The following CYP20A1 variants were observed in gnomAD, a reference collection of about 807,000 sequenced individuals.
CYP20A1 encodes the protein cytochrome P450 20A1.
CYP20A1 carries 61 observed loss-of-function variants against 61.4 expected under a neutral mutation model. That is an observed-to-expected ratio of 0.99 (90% CI 0.81 to 1.23). CYP20A1 has a LOEUF of 1.23. CYP20A1 is among the 50% of genes most tolerant of loss of function. The pLI is 0.00. For missense variants in CYP20A1, 530 were observed against 542.4 expected, an observed-to-expected ratio of 0.98 and a Z score of 0.23; for synonymous variants, 193 against 188.2, an observed-to-expected ratio of 1.03 and a Z score of -0.21.
intron 2 of CYP20A1, 52 bp downstream of exon 2, chr2:203,245,947 A>G: frequency 8.3e-7 from 1 of 1,206,412 alleles, no homozygotes; most frequent in Non-Finnish European, 1.2e-6. Context: ...CATTATTGAT[A>G]TCAAGACTAA....
rs1443050735 is a variant in CYP20A1, at chr2:203,301,099, A to G, written c.*4191A>G. ...TAATCCCAGCTACTGGGGAGGCTGA[A>G]ACAGGAGAATCGCTTGAACCCAGTA... is the stretch of plus-strand genomic sequence containing the variant. On this transcript the variant is annotated 3_prime_UTR_variant, in exon 13 of 13. Coordinates refer to ENST00000356079, the MANE Select transcript of CYP20A1 (RefSeq NM_177538.3). Among the ~76,000 whole-genome samples, 3 of 150,926 alleles carry G rather than the reference A, an allele frequency of 2.0e-5. No homozygotes were observed. Among genetic ancestry groups the G allele is most frequent in the Non-Finnish European group, 3.0e-5 (2 of 67,682 alleles).
intron 6 of CYP20A1, among the ~76,000 whole-genome samples, chr2:203,277,357 A>G (rs572145153): frequency 6.6e-6 from 1 of 151,074 alleles, no homozygotes; most frequent in African/African-American, 2.4e-5. Context: ...CAAAAAAAAA[A>G]AGAAAAAGAA....
intron 11 of CYP20A1, among the ~76,000 whole-genome samples, chr2:203,294,151 AT>A (rs1188149377): frequency 1.3e-5 from 2 of 151,690 alleles, no homozygotes; most frequent in Non-Finnish European, 2.9e-5. Flanking sequence ...TGCCTGGCTA[AT>A]TTTTTTTAAT....
chr2:203,239,698 C>A (rs1397622962), intron 1 of CYP20A1, among the ~76,000 whole-genome samples: 1 of 152,192 alleles, frequency 6.6e-6, no homozygotes, highest in African/African-American at 2.4e-5. Context: ...GAGAGCGCCG[C>A]GCTGCGGGTT....
Position 203,239,046 on chromosome 2 carries a change from C to A in CYP20A1, c.-17C>A, listed in dbSNP as rs190841502. 1.4e-5 allele frequency: 22 copies of A among 1,612,802 alleles called. No homozygotes were observed. Among genetic ancestry groups the A allele is most frequent in the Admixed American group, 5.0e-5 (3 of 59,998 alleles). ...GGAGCGGCCGATCCGAGACGTGGCT[C>A]CCTGGGCGGCAGAACCATGTTGGAC... On this transcript the variant is annotated 5_prime_UTR_variant, in exon 1 of 13. Coordinates refer to ENST00000356079, the MANE Select transcript of CYP20A1 (RefSeq NM_177538.3).
intron 4 of CYP20A1, among the ~76,000 whole-genome samples, chr2:203,253,118 A>C (rs993335306): frequency 2.6e-5 from 4 of 152,118 alleles, no homozygotes; most frequent in Non-Finnish European, 4.4e-5. Flanking sequence ...TTGTCACCCC[A>C]AGCCCCTCTG....
chr2:203,248,340 C>A (rs2066534002), intron 3 of CYP20A1, among the ~76,000 whole-genome samples: 1 of 152,150 alleles, frequency 6.6e-6, no homozygotes, highest in South Asian at 2.1e-4. Context: ...TCGAGACCAG[C>A]CTGGCCAACA....
intron 4 of CYP20A1, among the ~76,000 whole-genome samples, chr2:203,254,097 C>T (rs2105917799): frequency 3.5e-5 from 1 of 28,910 alleles, no homozygotes; most frequent in South Asian, 2.0e-3. Flanking sequence ...CAGGCGCCTG[C>T]CACCATGCCC....
chr2:203,269,279 A>G (rs934847760), intron 5 of CYP20A1, among the ~76,000 whole-genome samples: 11 of 125,290 alleles, frequency 8.8e-5, no homozygotes, highest in African/African-American at 2.9e-4. Context: ...CCTGTCTCCA[A>G]TTTTTTTTTT....
chr2:203,271,113 A>T (rs2067580254), intron 5 of CYP20A1, among the ~76,000 whole-genome samples: 2 of 64,890 alleles, frequency 3.1e-5, no homozygotes, highest in Admixed American at 2.6e-4. Context: ...TTTGAGACGG[A>T]GTCTGGCTCT....
At chr2:203,273,855 G>A (rs2067706218) in intron 6 of CYP20A1, among the ~76,000 whole-genome samples, 1 of 152,158 alleles carries the variant, frequency 6.6e-6, no homozygotes, top group Non-Finnish European at 1.5e-5. Context: ...GCTGAGGCAT[G>A]AGAACCGCTT....
chr2:203,264,552 G>A (rs2152073266), intron 4 of CYP20A1, among the ~76,000 whole-genome samples: 1 of 152,030 alleles, frequency 6.6e-6, no homozygotes, highest in African/African-American at 2.4e-5. Flanking sequence ...CCTGGGACTA[G>A]TATATAGTTG....
At position 203,285,820 on chromosome 2, in the gene CYP20A1, G is replaced by A. The variant is rs2068242977; in HGVS notation, c.971+88G>A. On this transcript the variant is annotated intron_variant, in intron 9 of 12. Coordinates refer to ENST00000356079, the MANE Select transcript of CYP20A1 (RefSeq NM_177538.3). ...AAAGCTATTGTTGCTATCTAGGAAA[G>A]CTACATATTTTTATAGGACTTAAAG... is the stretch of plus-strand genomic sequence containing the variant. 4.1e-6 allele frequency: 5 copies of A among 1,233,578 alleles called. No homozygotes were observed. The South Asian group carries it at 1.1e-4, about 28-fold the overall frequency. 76.4% of individuals were successfully genotyped at this position (1,233,578 alleles called of 1,614,324 possible). A position where few individuals can be genotyped will look rare whatever the true frequency, so the allele number is the denominator to read the frequency against.
At chr2:203,252,213 C>A in intron 4 of CYP20A1, 104 bp downstream of exon 4, 1 of 850,982 alleles carries the variant, frequency 1.2e-6, no homozygotes, top group African/African-American at 1.8e-5. Flanking sequence ...TCTTTCCTGT[C>A]CCTCTAAGCT....
chr2:203,239,650 T>A (rs2066177043), intron 1 of CYP20A1, among the ~76,000 whole-genome samples: 1 of 152,150 alleles, frequency 6.6e-6, no homozygotes, highest in Admixed American at 6.5e-5. Context: ...GTCCAGGTCT[T>A]GCTCCTCTTA....
chr2:203,279,535 C>T (rs949901440), intron 7 of CYP20A1, among the ~76,000 whole-genome samples: 7 of 152,098 alleles, frequency 4.6e-5, no homozygotes, highest in Admixed American at 4.6e-4. Flanking sequence ...TTGTTATTGC[C>T]ACACCTCTTC....
intron 5 of CYP20A1, 99 bp from the exon 6 acceptor site, chr2:203,272,571 A>AT: frequency 4.0e-6 from 2 of 500,138 alleles, no homozygotes; most frequent in Non-Finnish European, 3.2e-6. Flanking sequence ...AAAAAAAAAA[A>AT]GAGTTAAAGA....
intron 6 of CYP20A1, among the ~76,000 whole-genome samples, chr2:203,276,395 G>C (rs2067822016): frequency 6.6e-6 from 1 of 152,144 alleles, no homozygotes; most frequent in African/African-American, 2.4e-5. Context: ...TGACTGGTAT[G>C]ATAGACTGTA....
chr2:203,246,994 C>G, intron 3 of CYP20A1, 73 bp downstream of exon 3: 4 of 1,451,514 alleles, frequency 2.8e-6, no homozygotes, highest in Non-Finnish European at 3.8e-6. Flanking sequence ...GGCACGGTGG[C>G]TCACACCTGT....
Sources: gnomAD v4.1 joint callset for allele counts (sites outside exome capture counted in the v4.1 genomes callset) on GRCh38, gnomAD v4.1.1 for gene constraint, MANE v1.5 for transcripts, NCBI Gene and HGNC (gene_info 2026-07-23, HGNC 2026-07-21) for gene names.